The following PABPC1 variants were observed in gnomAD, a reference collection of about 807,000 sequenced individuals.
PABPC1 encodes the protein poly(A) binding protein cytoplasmic 1, also known as polyadenylate-binding protein 1.
A neutral mutation model predicts 74.0 loss-of-function variants in PABPC1; 4 were observed. The ratio of observed to expected loss-of-function variants is 0.05; its 90% CI spans 0.03 to 0.12. PABPC1 has a LOEUF of 0.12. PABPC1 is among the 10% of genes least tolerant of loss of function. PABPC1 has a pLI of 1.00. For synonymous variants in PABPC1, 227 were observed against 264.1 expected, an observed-to-expected ratio of 0.86 and a Z score of 1.36; for missense variants, 271 against 821.1, an observed-to-expected ratio of 0.33 and a Z score of 8.19.
intron 4 of PABPC1, among the ~76,000 whole-genome samples, chr8:100,715,031 A>ATTC (rs1449901509): frequency 6.6e-6 from 1 of 151,784 alleles, no homozygotes; most frequent in African/African-American, 2.4e-5. Flanking sequence ...GATGTTACTT[A>ATTC]GACTGACCAG....
chr8:100,706,905 T>G lies in PABPC1; in HGVS notation c.1429A>C (p.Met477Leu), dbSNP rs957591154. The change falls in exon 10 of 15, where the codon ATG becomes CTG. Residue 477 changes from methionine (M) to leucine (L), a missense_variant. Physicochemically the swap from Met to Leu is conservative, Grantham distance 15. Coordinates refer to ENST00000318607, the MANE Select transcript of PABPC1 (RefSeq NM_002568.4). Reference sequence around the variant, plus strand: ...GACTCACCAACACGCTGTGTTGACATGACTCGTGGAACCTGTGAAGAAGCT... The same window carrying G: ...GACTCACCAACACGCTGTGTTGACAGGACTCGTGGAACCTGTGAAGAAGCT... ...RPASSQVPRV[M>L]STQRVANTST... The G allele has an allele frequency of 5.6e-6, 9 of 1,614,038 alleles. No individual in the cohort carries two copies. The highest frequency in any genetic ancestry group is 7.6e-6 in the Non-Finnish European group (9 of 1,179,884).
At chr8:100,710,434 T>G (rs1810497713) in intron 7 of PABPC1, among the ~76,000 whole-genome samples, 1 of 152,118 alleles carries the variant, frequency 6.6e-6, no homozygotes, top group Non-Finnish European at 1.5e-5. Flanking sequence ...CCCAAGCAAT[T>G]ATGGGAATTC....
Position 100,721,803 on chromosome 8 carries a change from C to G in PABPC1, c.-220G>C. ...CGGCGGGGAGCGAGGGTGGCGGTGT[C>G]GGGTCCGGGCAGCGGGAAGGCCTCG... On this transcript the variant is annotated 5_prime_UTR_variant, in exon 1 of 15. Transcript: ENST00000318607. This position sits in a 1 kb window ranked among gnomAD's most constrained non-coding sequence, Gnocchi z 7.4. The G allele has an allele frequency of 2.4e-6, 1 of 415,386 alleles. No individual in the cohort carries two copies. The highest frequency in any genetic ancestry group is 4.3e-6 in the Non-Finnish European group (1 of 232,998). The allele number at this position is 415,386 out of a possible 1,614,324, so 25.7% of individuals were successfully genotyped here. A position where few individuals can be genotyped will look rare whatever the true frequency, so the allele number is the denominator to read the frequency against.
Position 100,717,755 on chromosome 8 carries a change from T to C in PABPC1, c.503+18A>G. On this transcript the variant is annotated intron_variant, in intron 3 of 14. Transcript: ENST00000318607. ...AAATAAGATTCAAAATATGATTAGCTAGATATTTATAACTTACACTTTGCG... is the reference window on the plus strand; with the variant it reads ...AAATAAGATTCAAAATATGATTAGCCAGATATTTATAACTTACACTTTGCG... 7.6e-7 allele frequency: 1 copy of C among 1,323,552 alleles called. No homozygotes were observed. The highest frequency in any genetic ancestry group is 1.1e-6 in the Non-Finnish European group (1 of 923,036). 82.0% of individuals were successfully genotyped at this position (1,323,552 alleles called of 1,614,324 possible). A position where few individuals can be genotyped will look rare whatever the true frequency, so the allele number is the denominator to read the frequency against.
At position 100,712,708 on chromosome 8, in the gene PABPC1, T is replaced by C. The variant is rs753524845; in HGVS notation, c.820A>G (p.Thr274Ala). Residue 274 changes from threonine (T) to alanine (A), a missense_variant, in exon 6 of 15, where the codon ACG (threonine) becomes GCG (alanine). By Grantham distance (58) the Thr-to-Ala change is moderately conservative. Transcript: ENST00000318607. ...TGTTCAAATTTGCGCTTAAGTTCCG[T>C]CTGCCGTTCCACCTTTTTCTGAGCT... The part of the protein sequence containing the change: ...GRAQKKVERQ[T>A]ELKRKFEQMK... 6.9e-6 allele frequency: 10 copies of C among 1,439,092 alleles called. No homozygotes were observed. The Admixed American group carries it at 2.2e-4, about 32-fold the overall frequency. 89.1% of individuals were successfully genotyped at this position (1,439,092 alleles called of 1,614,324 possible). A position where few individuals can be genotyped will look rare whatever the true frequency, so the allele number is the denominator to read the frequency against.
At chr8:100,716,874 C>T (rs1466278065) in intron 3 of PABPC1, among the ~76,000 whole-genome samples, 3 of 152,196 alleles carry the variant, frequency 2.0e-5, no homozygotes, top group Non-Finnish European at 4.4e-5. Context: ...TGTATTTCTT[C>T]TTAGGACAGT....
At chr8:100,712,128 T>C (rs779738947) in intron 7 of PABPC1, among the ~76,000 whole-genome samples, 1 of 152,248 alleles carries the variant, frequency 6.6e-6, no homozygotes, top group Non-Finnish European at 1.5e-5. Flanking sequence ...GACTAGTTGT[T>C]GGAATAGTGC....
intron 2 of PABPC1, 21 bp from the exon 3 acceptor site, chr8:100,717,909 A>C: frequency 6.6e-7 from 1 of 1,516,520 alleles, no homozygotes; most frequent in Non-Finnish European, 9.2e-7. Context: ...ACATATACCC[A>C]TTTTTCTTTA....
At chr8:100,704,585 C>T (rs145266904) in intron 13 of PABPC1, among the ~76,000 whole-genome samples, 195 bp from the exon 14 acceptor site, 188 of 152,286 alleles carry the variant, frequency 1.2e-3, no homozygotes, top group African/African-American at 4.4e-3. Context: ...GAATCGCTCC[C>T]CTGCACTACT....
Position 100,721,579 on chromosome 8 carries a change from T to G in PABPC1, c.5A>C (p.Asn2Thr). ...CATGGGGTAGCTGGGGGCACTGGGG[T>G]TCATCTCGGCACGGCTGCCCGCAGG... The part of the protein sequence containing the change: M[N>T]PSAPSYPMAS... The change falls in exon 1 of 15, where the codon AAC becomes ACC. Residue 2 changes from asparagine to threonine, a missense_variant. By Grantham distance (65) the Asn-to-Thr change is moderately conservative (BLOSUM62 0). Coordinates refer to ENST00000318607, the MANE Select transcript of PABPC1 (RefSeq NM_002568.4). The surrounding 1 kb of genome is among the most constrained non-coding windows in gnomAD (Gnocchi z 7.4). The G allele has an allele frequency of 6.3e-7, 1 of 1,576,406 alleles. No homozygotes were observed.
At chr8:100,712,254 G>T in intron 7 of PABPC1, 108 bp downstream of exon 7, 1 of 632,724 alleles carries the variant, frequency 1.6e-6, no homozygotes, top group Non-Finnish European at 2.7e-6. Flanking sequence ...TAGAAGTAAC[G>T]AAGCAAACAC....
intron 13 of PABPC1, 89 bp from the exon 14 acceptor site, chr8:100,704,479 A>T (rs1351878687): frequency 9.2e-7 from 1 of 1,091,582 alleles, no homozygotes; most frequent in East Asian, 2.4e-5. Flanking sequence ...CCCAACAAAG[A>T]TAAGTTTCTT....
chr8:100,707,251 G>A (rs1810404282), intron 9 of PABPC1: 4 of 326,632 alleles, frequency 1.2e-5, no homozygotes, highest in East Asian at 7.4e-5. Flanking sequence ...TGTATGCAGC[G>A]ACGAGAGAGT....
In PABPC1 at chr8:100,707,929, C is replaced by T. The variant is rs184643165; in HGVS notation, c.1337-932G>A. Among the ~76,000 whole-genome samples the T allele has an allele frequency of 4.6e-3, 696 of 152,384 alleles. 2 individuals are homozygous for T. Among genetic ancestry groups the T allele is most frequent in the African/African-American group, 0.013 (520 of 41,594 alleles). Reference sequence around the variant, plus strand: ...CTTTGGTGGCCCTGTCTGGGCATAACAGAAGGCTCGCACTCTTGTCTTCTG... The same window carrying T: ...CTTTGGTGGCCCTGTCTGGGCATAATAGAAGGCTCGCACTCTTGTCTTCTG... On this transcript the variant is annotated intron_variant, in intron 9 of 14. Coordinates refer to ENST00000318607, the MANE Select transcript of PABPC1 (RefSeq NM_002568.4).
At chr8:100,706,554 T>TG in intron 11 of PABPC1, 97 bp downstream of exon 11, 2 of 1,081,964 alleles carry the variant, frequency 1.8e-6, no homozygotes, top group Non-Finnish European at 2.7e-6. Flanking sequence ...CCCAAAGTGC[T>TG]GGGGTTATAG....
intron 14 of PABPC1, chr8:100,704,054 C>CAAAAA (rs34116624): frequency 2.0e-4 from 36 of 177,824 alleles, no homozygotes; most frequent in African/African-American, 6.7e-4. Context: ...AACTCCATCT[C>CAAAAA]AAAAAAAAAA....
chr8:100,712,061 G>A (rs1046174152), intron 7 of PABPC1, among the ~76,000 whole-genome samples: 17 of 152,236 alleles, frequency 1.1e-4, no homozygotes, highest in Admixed American at 6.5e-5. Flanking sequence ...TGAATAAACA[G>A]ATCAGAACTA....
intron 3 of PABPC1, among the ~76,000 whole-genome samples, chr8:100,717,313 G>A (rs1810696998): frequency 6.6e-6 from 1 of 152,134 alleles, no homozygotes; most frequent in Non-Finnish European, 1.5e-5. Context: ...CCGGACTTGT[G>A]AGTAATGTAT....
At chr8:100,707,078 A>T in intron 9 of PABPC1, 81 bp from the exon 10 acceptor site, 2 of 1,037,576 alleles carry the variant, frequency 1.9e-6, no homozygotes, top group Non-Finnish European at 2.9e-6. Flanking sequence ...CTTCGATCTG[A>T]GGTTTGCATA....
Sources: allele counts gnomAD v4.1 joint callset (sites outside exome capture counted in the v4.1 genomes callset), GRCh38; gene constraint gnomAD v4.1.1; non-coding constraint Gnocchi (gnomAD v3.1); transcripts MANE v1.5; gene names NCBI Gene and HGNC (gene_info 2026-07-23, HGNC 2026-07-21).